The following SPMIP7 variants were observed in gnomAD, a reference collection of about 807,000 sequenced individuals.
SPMIP7 encodes the protein protein SPMIP7.
the SPMIP7 span, among the ~76,000 whole-genome samples, chr7:50,137,560 T>C: frequency 2.9e-3 from 449 of 152,278 alleles, 2 homozygotes; most frequent in African/African-American, 0.01. Flanking sequence ...TCATGTGATG[T>C]GTACTTCTCT....
chr7:50,127,628 TA>T, the SPMIP7 span, among the ~76,000 whole-genome samples: 2 of 148,832 alleles, frequency 1.3e-5, no homozygotes, highest in African/African-American at 4.9e-5. Context: ...TATATATATA[TA>T]TATATACTGA....
At chr7:50,157,817 G>A in the SPMIP7 span, among the ~76,000 whole-genome samples, 1 of 152,086 alleles carries the variant, frequency 6.6e-6, no homozygotes, top group Non-Finnish European at 1.5e-5. Flanking sequence ...CCATCTCCAG[G>A]CAGAATAGGG....
At chr7:50,116,611 G>A in the SPMIP7 span, among the ~76,000 whole-genome samples, 1 of 152,062 alleles carries the variant, frequency 6.6e-6, no homozygotes, top group South Asian at 2.1e-4. Flanking sequence ...AAATAGACAG[G>A]GCAATATGCT....
At chr7:50,144,401 ATG>A in the SPMIP7 span, among the ~76,000 whole-genome samples, 1 of 152,192 alleles carries the variant, frequency 6.6e-6, no homozygotes, top group African/African-American at 2.4e-5. Context: ...GGTGGAGTGT[ATG>A]TGTGTATGTA....
At chr7:50,150,180 A>T in the SPMIP7 span, among the ~76,000 whole-genome samples, 6 of 152,212 alleles carry the variant, frequency 3.9e-5, no homozygotes, top group African/African-American at 1.4e-4. Flanking sequence ...TGGGAAGGTC[A>T]TGGATATAAC....
chr7:50,159,159 T>C, the SPMIP7 span: 53 of 1,551,252 alleles, frequency 3.4e-5, no homozygotes, highest in Admixed American at 4.3e-4. Context: ...AAAGAAACCA[T>C]AGACTACTAG....
chr7:50,142,005 G>A, the SPMIP7 span: 760 of 151,212 alleles, frequency 5.0e-3, 29 homozygotes, highest in South Asian at 0.091. Context: ...TGGGATTACA[G>A]GAGTGAACCA....
At chr7:50,098,689 G>C in the SPMIP7 span, among the ~76,000 whole-genome samples, 1 of 152,102 alleles carries the variant, frequency 6.6e-6, no homozygotes, top group Non-Finnish European at 1.5e-5. Flanking sequence ...CAGAGAGAGA[G>C]AGAGAGAGCT....
At chr7:50,135,874 G>C in the SPMIP7 span, among the ~76,000 whole-genome samples, 1 of 152,182 alleles carries the variant, frequency 6.6e-6, no homozygotes. Flanking sequence ...ACAGATTCCA[G>C]CTATGAGAAA....
chr7:50,150,782 T>C, the SPMIP7 span, among the ~76,000 whole-genome samples: 2 of 152,218 alleles, frequency 1.3e-5, no homozygotes, highest in African/African-American at 4.8e-5. Flanking sequence ...TTATACACAC[T>C]GAAGAACGGC....
At chr7:50,106,916 C>T in the SPMIP7 span, among the ~76,000 whole-genome samples, 1 of 152,106 alleles carries the variant, frequency 6.6e-6, no homozygotes, top group African/African-American at 2.4e-5. Context: ...GTCTGGCCAA[C>T]ATAGCAAAAC....
the SPMIP7 span, among the ~76,000 whole-genome samples, chr7:50,122,163 A>C: frequency 6.6e-6 from 1 of 152,216 alleles, no homozygotes; most frequent in Non-Finnish European, 1.5e-5. Flanking sequence ...GTTTTAAATA[A>C]AAGTATAACA....
chr7:50,112,572 G>A, the SPMIP7 span, among the ~76,000 whole-genome samples: 3 of 152,144 alleles, frequency 2.0e-5, no homozygotes, highest in Admixed American at 6.6e-5. Context: ...ATGAAGTAAC[G>A]GGCACTCAAG....
chr7:50,131,201 C>T, the SPMIP7 span, among the ~76,000 whole-genome samples: 2 of 152,044 alleles, frequency 1.3e-5, no homozygotes, highest in South Asian at 2.1e-4. Context: ...TTGTAAGCAA[C>T]GGTTGAGTTC....
chr7:50,147,390 C>T, the SPMIP7 span, among the ~76,000 whole-genome samples: 2 of 152,190 alleles, frequency 1.3e-5, no homozygotes, highest in African/African-American at 4.8e-5. Context: ...GGCCATGATA[C>T]TTAGACTTTC....
chr7:50,104,923 A>G, the SPMIP7 span, among the ~76,000 whole-genome samples: 1 of 152,204 alleles, frequency 6.6e-6, no homozygotes, highest in Non-Finnish European at 1.5e-5. Flanking sequence ...ATATCACTGG[A>G]ACAACAATCC....
the SPMIP7 span, among the ~76,000 whole-genome samples, chr7:50,128,270 C>T: frequency 6.6e-6 from 1 of 151,812 alleles, no homozygotes; most frequent in Non-Finnish European, 1.5e-5. Flanking sequence ...TGGTGGATCT[C>T]ATGAAGATAG....
the SPMIP7 span, among the ~76,000 whole-genome samples, chr7:50,120,964 G>A: frequency 6.6e-6 from 1 of 152,072 alleles, no homozygotes; most frequent in Non-Finnish European, 1.5e-5. Flanking sequence ...GATTCCTGTT[G>A]CATAGTGTAC....
At chr7:50,154,499 C>T in the SPMIP7 span, among the ~76,000 whole-genome samples, 1 of 152,238 alleles carries the variant, frequency 6.6e-6, no homozygotes, top group Non-Finnish European at 1.5e-5. Context: ...GATAGTGCAA[C>T]ATGTTTCTTT....
Sources: gnomAD v4.1 joint callset for allele counts (sites outside exome capture counted in the v4.1 genomes callset) on GRCh38, gnomAD v4.1.1 for gene constraint, MANE v1.5 for transcripts, NCBI Gene and HGNC (gene_info 2026-07-23, HGNC 2026-07-21) for gene names.